ANO2: variants seen among roughly 807,000 people sequenced by gnomAD.
The protein encoded by ANO2 is anoctamin-2.
ANO2 carries 101 observed loss-of-function variants against 124.2 expected under a neutral mutation model. That is an observed-to-expected ratio of 0.81 (90% confidence interval 0.69 to 0.96). The LOEUF (loss-of-function observed/expected upper bound fraction) is 0.96, where lower values mean the gene tolerates loss of function less well. Ranked by LOEUF, ANO2 falls within the 40% of genes least tolerant of loss-of-function variation. ANO2 has a pLI of 0.00. For missense variants in ANO2, 1,293 were observed against 1,274.5 expected (o/e 1.01, Z -0.22); for synonymous variants, 486 against 482.5 (o/e 1.01, Z -0.09).
At chr12:5,646,721 G>T (rs953258634) in intron 15 of ANO2, among the ~76,000 whole-genome samples, 5 of 152,166 alleles carry the variant, frequency 3.3e-5, no homozygotes, top group Admixed American at 6.5e-5. Flanking sequence ...TAAGCAATGA[G>T]AAGAAAACAA....
intron 3 of ANO2, among the ~76,000 whole-genome samples, chr12:5,916,491 TTAAAAAAAA>T (rs1175323239): frequency 2.0e-5 from 2 of 98,084 alleles, no homozygotes; most frequent in Non-Finnish European, 4.0e-5. Flanking sequence ...TCGCAGCAGG[TTAAAAAAAA>T]AAAAAAAAAA....
At chr12:5,659,930 C>G (rs1168955326) in intron 14 of ANO2, among the ~76,000 whole-genome samples, 1 of 152,134 alleles carries the variant, frequency 6.6e-6, no homozygotes, top group Non-Finnish European at 1.5e-5. Flanking sequence ...GATAGTGGTA[C>G]AATGAGTCTT....
At chr12:5,876,879 T>C (rs1434055370) in intron 3 of ANO2, among the ~76,000 whole-genome samples, 1 of 152,178 alleles carries the variant, frequency 6.6e-6, no homozygotes, top group Non-Finnish European at 1.5e-5. Flanking sequence ...CTAATGTAGA[T>C]GACGGGTTGA....
At chr12:5,941,237 G>T (rs1942882389) in intron 1 of ANO2, among the ~76,000 whole-genome samples, 1 of 152,132 alleles carries the variant, frequency 6.6e-6, no homozygotes, top group Non-Finnish European at 1.5e-5. Flanking sequence ...CACCTTTAAA[G>T]GGTACATTTT....
chr12:5,931,632 A>G (rs1241771698), intron 1 of ANO2, among the ~76,000 whole-genome samples: 1 of 127,898 alleles, frequency 7.8e-6, no homozygotes, highest in Non-Finnish European at 1.7e-5. Context: ...AAAGTGACTA[A>G]TAAGGAAAGA....
chr12:5,620,414 CAAAGAG>C (rs1945053191), intron 16 of ANO2, among the ~76,000 whole-genome samples: 1 of 152,142 alleles, frequency 6.6e-6, no homozygotes, highest in Admixed American at 6.5e-5. Flanking sequence ...CGCTACTTTG[CAAAGAG>C]CATTGCCCGC....
intron 3 of ANO2, among the ~76,000 whole-genome samples, chr12:5,867,453 C>T (rs967201214): frequency 3.3e-5 from 5 of 152,244 alleles, no homozygotes; most frequent in African/African-American, 9.6e-5. Context: ...AAACATGCTT[C>T]GATGTACTAG....
At chr12:5,783,064 C>A (rs945364741) in intron 10 of ANO2, among the ~76,000 whole-genome samples, 1 of 152,144 alleles carries the variant, frequency 6.6e-6, no homozygotes, top group African/African-American at 2.4e-5. Context: ...TCAACAAGTT[C>A]TTTACTTCAG....
chr12:5,606,461 T>C (rs1377273454), intron 19 of ANO2, among the ~76,000 whole-genome samples: 1 of 152,240 alleles, frequency 6.6e-6, no homozygotes. Context: ...GAGGAAATAA[T>C]GTCATTGATT....
At chr12:5,866,422 C>G (rs1393012921) in intron 3 of ANO2, among the ~76,000 whole-genome samples, 2 of 152,184 alleles carry the variant, frequency 1.3e-5, no homozygotes, top group Non-Finnish European at 2.9e-5. Flanking sequence ...ATCACACGAG[C>G]TTATAAATTC....
In ANO2 at chr12:5,565,841, G is replaced by A. The variant is rs150298376; in HGVS notation, c.2622-178C>T. On this transcript the variant is annotated intron_variant, in intron 23 of 24. Transcript: ENST00000682330. The stretch of plus-strand genomic sequence containing the variant: ...GCCTAACCAACAAATTTCCAAAAAG[G>A]ACTAAAGTCCAAGAAAGCCAATGTC... Among the ~76,000 whole-genome samples the A allele has an allele frequency of 5.3e-5, 8 of 152,262 alleles. No individual in the cohort carries two copies. The East Asian group carries it at 1.5e-3, about 29-fold the overall frequency.
intron 14 of ANO2, among the ~76,000 whole-genome samples, chr12:5,683,299 T>C (rs1246783040): frequency 2.0e-5 from 3 of 152,172 alleles, no homozygotes; most frequent in South Asian, 2.1e-4. Context: ...AGGAAAAAGA[T>C]TGACGTGTCT....
chr12:5,787,582 C>CG lies in ANO2; in HGVS notation c.1055+11924dup, dbSNP rs1423837313. 2.6e-5 allele frequency among the ~76,000 whole-genome samples: 4 copies of CG among 152,110 alleles called. No homozygotes were observed. The highest frequency in any genetic ancestry group is 4.8e-5 in the African/African-American group (2 of 41,412). On this transcript the variant is annotated intron_variant, in intron 10 of 24. Transcript: ENST00000682330. The surrounding 1 kb of genome is among the most constrained non-coding windows in gnomAD (Gnocchi z 4.2). Reference sequence around the variant, plus strand: ...ATGAGGATGATAGTATCGATCTCGACGGGGTGTTGTGAGTTAGCAAATGCC... The same window carrying CG: ...ATGAGGATGATAGTATCGATCTCGACGGGGGTGTTGTGAGTTAGCAAATGCC...
At chr12:5,842,545 A>G (rs1954545826) in intron 4 of ANO2, among the ~76,000 whole-genome samples, 1 of 152,082 alleles carries the variant, frequency 6.6e-6, no homozygotes, top group Non-Finnish European at 1.5e-5. Context: ...CCATCTCAGC[A>G]TCACCCTCCA....
At chr12:5,805,999 C>T (rs1753012208) in intron 9 of ANO2, 53 bp downstream of exon 9, 9 of 1,578,306 alleles carry the variant, frequency 5.7e-6, no homozygotes, top group Non-Finnish European at 7.8e-6. Context: ...CTTCCACACC[C>T]ACCCGTAGTC....
At chr12:5,837,540 T>C (rs1954369554) in intron 4 of ANO2, among the ~76,000 whole-genome samples, 1 of 139,488 alleles carries the variant, frequency 7.2e-6, no homozygotes, top group Admixed American at 8.0e-5. Context: ...ATGTGATTCA[T>C]TGTTCAATTC....
rs1181365843 is a variant in ANO2, at chr12:5,658,054, G to T, written c.1546-10253C>A. Among the ~76,000 whole-genome samples the T allele has an allele frequency of 6.7e-6, 1 of 150,336 alleles. No individual in the cohort carries two copies. ...GAGAAAAAATATTATTTGCTCATTT[G>T]TCTTTCTCTCCCTCTCCTCATCCCC... On this transcript the variant is annotated intron_variant, in intron 14 of 24. Coordinates refer to ENST00000682330, the MANE Select transcript of ANO2 (RefSeq NM_001364791.2). The surrounding 1 kb of genome is among the most constrained non-coding windows in gnomAD (Gnocchi z 4.3).
intron 20 of ANO2, among the ~76,000 whole-genome samples, chr12:5,589,401 G>C (rs1245488002): frequency 3.3e-5 from 5 of 152,082 alleles, no homozygotes; most frequent in Admixed American, 3.3e-4. Context: ...CACCTCTCTT[G>C]ATAATCCACT....
At chr12:5,689,070 TAG>T (rs1948822122) in intron 14 of ANO2, among the ~76,000 whole-genome samples, 1 of 152,072 alleles carries the variant, frequency 6.6e-6, no homozygotes, top group South Asian at 2.1e-4. Flanking sequence ...TAGTGATCAC[TAG>T]AGAGACCAGT....
Sources: allele counts gnomAD v4.1 joint callset (sites outside exome capture counted in the v4.1 genomes callset), GRCh38; gene constraint gnomAD v4.1.1; non-coding constraint Gnocchi (gnomAD v3.1); transcripts MANE v1.5; gene names NCBI Gene and HGNC (gene_info 2026-07-23, HGNC 2026-07-21).